ARFGEF1: variants seen among roughly 807,000 people sequenced by gnomAD.
The protein encoded by ARFGEF1 is brefeldin A-inhibited guanine nucleotide-exchange protein 1.
Under a neutral mutation model 231.0 loss-of-function variants are expected in ARFGEF1, and 42 were observed. The observed-to-expected ratio is 0.18, with a 90% CI of 0.14 to 0.24. The LOEUF is 0.24. Ranked by LOEUF, ARFGEF1 falls within the 10% of genes least tolerant of loss-of-function variation. ARFGEF1 has a pLI of 1.00. For synonymous variants in ARFGEF1, 710 were observed against 732.3 expected (o/e 0.97, Z 0.49); for missense variants, 1,345 against 2,192.0 (o/e 0.61, Z 7.72).
chr8:67,314,555 TG>T (rs1807218019), intron 1 of ARFGEF1, among the ~76,000 whole-genome samples: 1 of 152,028 alleles, frequency 6.6e-6, no homozygotes, highest in South Asian at 2.1e-4. Context: ...CCAGCGGGGG[TG>T]TGTGTTTGGG....
intron 37 of ARFGEF1, among the ~76,000 whole-genome samples, chr8:67,201,182 A>G (rs923187261): frequency 2.0e-5 from 3 of 152,360 alleles, no homozygotes; most frequent in African/African-American, 7.2e-5. Flanking sequence ...ATGATCTGTA[A>G]AAATGGGACT....
chr8:67,276,244 G>C, intron 8 of ARFGEF1, 135 bp from the exon 9 acceptor site: 1 of 901,454 alleles, frequency 1.1e-6, no homozygotes, highest in Non-Finnish European at 1.7e-6. Context: ...CCAGATGAGG[G>C]AATCTGCCAC....
chr8:67,212,865 C>CT (rs1251757983), intron 33 of ARFGEF1, among the ~76,000 whole-genome samples: 13 of 152,262 alleles, frequency 8.5e-5, no homozygotes, highest in African/African-American at 2.9e-4. Context: ...CACGGGCCCT[C>CT]TTGAACAGTC....
rs1808759843 is a variant in ARFGEF1, at chr8:67,343,504, C to T, written c.-217G>A. 4 of 1,249,330 alleles carry T rather than the reference C, an allele frequency of 3.2e-6. No homozygotes were observed. The highest frequency in any genetic ancestry group is 3.1e-5 in the African/African-American group (2 of 64,156). The allele number at this position is 1,249,330 out of a possible 1,614,324, so 77.4% of individuals were successfully genotyped here. ...CGAGGTCCTCGCCGCCCCCAAGAAGCCGTACCTCGAGGGCCGCGCCCGTCG... is the reference window on the plus strand; with the variant it reads ...CGAGGTCCTCGCCGCCCCCAAGAAGTCGTACCTCGAGGGCCGCGCCCGTCG... On this transcript the variant is annotated 5_prime_UTR_variant, in exon 1 of 39. Transcript: ENST00000262215.
intron 3 of ARFGEF1, among the ~76,000 whole-genome samples, chr8:67,299,593 A>G (rs892958104): frequency 1.3e-5 from 2 of 152,144 alleles, no homozygotes; most frequent in African/African-American, 4.8e-5. Flanking sequence ...CCACAATAAA[A>G]CCATCAGGTA....
downstream of ARFGEF1, among the ~76,000 whole-genome samples, chr8:67,194,393 A>AAGGTGTGG (rs1317790865): frequency 1.3e-5 from 2 of 152,222 alleles, no homozygotes; most frequent in African/African-American, 4.8e-5. Context: ...TCTAGCAGTC[A>AAGGTGTGG]AGGTGTGGTG....
chr8:67,209,778 G>A (rs186134998), intron 34 of ARFGEF1, among the ~76,000 whole-genome samples: 1 of 152,240 alleles, frequency 6.6e-6, no homozygotes, highest in Admixed American at 6.5e-5. Flanking sequence ...GGAGACAGGG[G>A]TGTGGGCAGC....
chr8:67,229,387 C>T (rs1563851274), intron 23 of ARFGEF1, among the ~76,000 whole-genome samples: 1 of 151,994 alleles, frequency 6.6e-6, no homozygotes, highest in Non-Finnish European at 1.5e-5. Flanking sequence ...CTGAGTATAT[C>T]ATGATTTTTT....
chr8:67,173,746 T>C (rs1050568659), downstream of ARFGEF1: 1 of 152,302 alleles, frequency 6.6e-6, no homozygotes, highest in Non-Finnish European at 1.5e-5. Flanking sequence ...ACGTATACTG[T>C]TATTTTTTAT....
At chr8:67,265,531 G>C (rs929880921) in intron 14 of ARFGEF1, among the ~76,000 whole-genome samples, 1 of 152,040 alleles carries the variant, frequency 6.6e-6, no homozygotes, top group Non-Finnish European at 1.5e-5. Context: ...ATTAGGATCC[G>C]GTACACTAGC....
chr8:67,190,743 G>T, intron 5 of ARFGEF1: 1 of 1,610,776 alleles, frequency 6.2e-7, no homozygotes, highest in Non-Finnish European at 8.5e-7. Context: ...AGGAACAAAT[G>T]GAAAGGACTA....
chr8:67,277,529 A>G, intron 7 of ARFGEF1, 72 bp from the exon 8 acceptor site: 1 of 1,402,060 alleles, frequency 7.1e-7, no homozygotes, highest in Non-Finnish European at 9.7e-7. Flanking sequence ...AGCACAGAGT[A>G]TTTAAAATGA....
At chr8:67,208,742 G>A (rs1838614932) in intron 34 of ARFGEF1, among the ~76,000 whole-genome samples, 1 of 151,442 alleles carries the variant, frequency 6.6e-6, no homozygotes, top group African/African-American at 2.4e-5. Context: ...ACTAACAAAA[G>A]GAAACAGAAA....
intron 34 of ARFGEF1, among the ~76,000 whole-genome samples, chr8:67,211,188 A>G (rs1464246866): frequency 6.6e-6 from 1 of 151,774 alleles, no homozygotes; most frequent in Non-Finnish European, 1.5e-5. Flanking sequence ...GACTAAAAAT[A>G]CAAAAATTAG....
intron 23 of ARFGEF1, 59 bp downstream of exon 23, chr8:67,232,789 CAACACCT>C: frequency 6.5e-6 from 8 of 1,238,218 alleles, no homozygotes; most frequent in Non-Finnish European, 8.9e-6. Context: ...TTCTTTTTAC[CAACACCT>C]AAATGCTAAA....
downstream of ARFGEF1, chr8:67,195,650 G>A: frequency 4.1e-6 from 6 of 1,471,052 alleles, no homozygotes; most frequent in Non-Finnish European, 4.7e-6. Flanking sequence ...TGGTAAATCT[G>A]TACCTTTAAT....
chr8:67,250,682 C>G (rs1840254972), intron 19 of ARFGEF1, among the ~76,000 whole-genome samples: 1 of 152,162 alleles, frequency 6.6e-6, no homozygotes, highest in East Asian at 1.9e-4. Context: ...ATACTTTACC[C>G]ACTTCCTCTT....
At chr8:67,318,832 G>A (rs1256166615) in intron 1 of ARFGEF1, among the ~76,000 whole-genome samples, 1 of 152,148 alleles carries the variant, frequency 6.6e-6, no homozygotes, top group African/African-American at 2.4e-5. Context: ...TAAAAATTAG[G>A]CAGGGTGGTG....
chr8:67,205,873 TA>T (rs1563835233), intron 34 of ARFGEF1, among the ~76,000 whole-genome samples: 11 of 148,590 alleles, frequency 7.4e-5, no homozygotes, highest in African/African-American at 2.8e-4. Context: ...AATAAATAAA[TA>T]AATAAATAAA....
Sources: allele counts gnomAD v4.1 joint callset (sites outside exome capture counted in the v4.1 genomes callset), GRCh38; gene constraint gnomAD v4.1.1; transcripts MANE v1.5; gene names NCBI Gene and HGNC (gene_info 2026-07-23, HGNC 2026-07-21).